KCNJ3: variants seen among roughly 807,000 people sequenced by gnomAD.
The protein encoded by KCNJ3 is G protein-activated inward rectifier potassium channel 1.
In KCNJ3, 4 loss-of-function variants were observed where a neutral mutation model predicts 39.2. That is an observed-to-expected ratio of 0.10 (90% CI 0.05 to 0.23). The LOEUF (loss-of-function observed/expected upper bound fraction) is 0.23, where lower values mean the gene tolerates loss of function less well. Ranked by LOEUF, KCNJ3 falls within the 10% of genes least tolerant of loss-of-function variation. The probability of loss-of-function intolerance (pLI) is 1.00; values close to 1 mark genes in which losing one functional copy is unlikely to be tolerated. For synonymous variants in KCNJ3, 230 were observed against 237.4 expected (o/e 0.97, Z 0.29); for missense variants, 276 against 634.9 (o/e 0.43, Z 6.08).
At position 154,699,111 on chromosome 2, in the gene KCNJ3, G is replaced by T. The variant is rs771540725; in HGVS notation, c.336G>T (p.Leu112=). Residue 112 remains leucine (L), a synonymous_variant, in exon 1 of 3, where the codon CTG becomes CTT. Transcript: ENST00000295101. This position sits in a 1 kb window ranked among gnomAD's most constrained non-coding sequence, Gnocchi z 6.4. ...WWVIAYTRGD[L]NKAHVGNYTP... ...TGATCGCCTACACTCGGGGCGACCT[G>T]AACAAAGCCCACGTCGGTAACTACA... 2.5e-6 allele frequency: 4 copies of T among 1,614,112 alleles called. No homozygotes were observed. Among genetic ancestry groups the T allele is most frequent in the Non-Finnish European group, 2.5e-6 (3 of 1,180,050 alleles).
At chr2:154,764,138 A>G (rs1686091229) in intron 2 of KCNJ3, among the ~76,000 whole-genome samples, 2 of 152,242 alleles carry the variant, frequency 1.3e-5, no homozygotes, top group African/African-American at 2.4e-5. Context: ...TTTCTTAAGC[A>G]CGAAAAGTGC....
chr2:154,815,869 A>T lies in KCNJ3; in HGVS notation c.920-38858A>T, dbSNP rs116812491. Among the ~76,000 whole-genome samples, 5 of 152,248 alleles carry T rather than the reference A, an allele frequency of 3.3e-5. No homozygotes were observed. In the South Asian group the frequency reaches 1.0e-3, roughly 32 times the overall value. On this transcript the variant is annotated intron_variant, in intron 2 of 2. Transcript: ENST00000295101. ...TTTTGCTGAAACCCAGTTCTTCCACATATTTCCATGGTTTTCCTTGTTCCC... is the reference window on the plus strand; with the variant it reads ...TTTTGCTGAAACCCAGTTCTTCCACTTATTTCCATGGTTTTCCTTGTTCCC...
At chr2:154,752,229 G>A (rs561796371) in intron 2 of KCNJ3, among the ~76,000 whole-genome samples, 1 of 151,822 alleles carries the variant, frequency 6.6e-6, no homozygotes, top group East Asian at 1.9e-4. Context: ...TCTTTAGAAA[G>A]TGCTATTGTC....
At chr2:154,838,283 C>G (rs533989511) in intron 2 of KCNJ3, among the ~76,000 whole-genome samples, 3 of 152,194 alleles carry the variant, frequency 2.0e-5, no homozygotes, top group African/African-American at 7.2e-5. Flanking sequence ...TAGTTTCTAG[C>G]TAATGGAAAA....
chr2:154,850,617 T>G, intron 2 of KCNJ3, among the ~76,000 whole-genome samples: 1 of 152,190 alleles, frequency 6.6e-6, no homozygotes, highest in East Asian at 1.9e-4. Context: ...TATCCTGAGA[T>G]GAAACCAGAT....
At chr2:154,720,320 A>G (rs764430792) in intron 2 of KCNJ3, among the ~76,000 whole-genome samples, 1 of 152,032 alleles carries the variant, frequency 6.6e-6, no homozygotes, top group Non-Finnish European at 1.5e-5. Flanking sequence ...TATACTCATA[A>G]GCCTAAGAGT....
intron 2 of KCNJ3, among the ~76,000 whole-genome samples, chr2:154,808,082 A>AT (rs34093983): frequency 0.017 from 2,409 of 142,156 alleles, 35 homozygotes; most frequent in African/African-American, 0.034. Flanking sequence ...GGGCATTTAA[A>AT]TTTTTTTTTT....
rs140040986 is a variant in KCNJ3, at chr2:154,820,999, T to A, written c.920-33728T>A. Among the ~76,000 whole-genome samples the A allele has an allele frequency of 3.3e-5, 5 of 152,346 alleles. No homozygotes were observed. In the East Asian group the frequency reaches 9.6e-4, roughly 29 times the overall value. On this transcript the variant is annotated intron_variant, in intron 2 of 2. Transcript: ENST00000295101. ...GAGTAATTTGTCTCTGTATCACGTC[T>A]ATGTTTTTAAGTATCATTATGAGCT...
intron 2 of KCNJ3, among the ~76,000 whole-genome samples, chr2:154,839,965 C>A (rs1687547085): frequency 6.6e-6 from 1 of 152,076 alleles, no homozygotes; most frequent in African/African-American, 2.4e-5. Context: ...TCAATTTTGG[C>A]TTTTGTTGCC....
intron 2 of KCNJ3, among the ~76,000 whole-genome samples, chr2:154,727,044 G>A (rs144410613): frequency 6.6e-6 from 1 of 152,144 alleles, no homozygotes; most frequent in South Asian, 2.1e-4. Flanking sequence ...AGGGATAAAA[G>A]ACTACGCATT....
intron 2 of KCNJ3, among the ~76,000 whole-genome samples, chr2:154,785,937 A>G (rs1207853905): frequency 6.6e-6 from 1 of 152,192 alleles, no homozygotes; most frequent in Non-Finnish European, 1.5e-5. Context: ...ATTTGGAGAG[A>G]AAACACAGTT....
chr2:154,743,028 T>C (rs748964294), intron 2 of KCNJ3, among the ~76,000 whole-genome samples: 7 of 151,856 alleles, frequency 4.6e-5, no homozygotes, highest in Non-Finnish European at 1.0e-4. Flanking sequence ...TTGATTCATT[T>C]TGATTATTTT....
intron 2 of KCNJ3, among the ~76,000 whole-genome samples, chr2:154,773,867 C>CT (rs2105198039): frequency 6.6e-6 from 1 of 152,150 alleles, no homozygotes; most frequent in Non-Finnish European, 1.5e-5. Flanking sequence ...CAGAGAATGA[C>CT]TTTTTCTTTA....
intron 2 of KCNJ3, among the ~76,000 whole-genome samples, chr2:154,721,567 C>T (rs893481870): frequency 6.6e-6 from 1 of 151,640 alleles, no homozygotes; most frequent in African/African-American, 2.4e-5. Context: ...AAATCTAACA[C>T]GACATGTTCA....
chr2:154,741,703 A>G (rs1245827517), intron 2 of KCNJ3, among the ~76,000 whole-genome samples: 1 of 151,874 alleles, frequency 6.6e-6, no homozygotes, highest in Admixed American at 6.6e-5. Context: ...TAAACATGTG[A>G]GTTTAGTTCC....
chr2:154,762,012 G>C (rs2591170), intron 2 of KCNJ3, among the ~76,000 whole-genome samples: 57,405 of 151,984 alleles, frequency 0.38, 11,851 homozygotes, highest in East Asian at 0.64. Context: ...GATGGAAGTA[G>C]AGAATAGATT....
At chr2:154,788,302 A>T (rs535987971) in intron 2 of KCNJ3, among the ~76,000 whole-genome samples, 13 of 152,300 alleles carry the variant, frequency 8.5e-5, no homozygotes, top group Admixed American at 7.2e-4. Context: ...CTAGAAAAAA[A>T]TATTGCAAAT....
At chr2:154,817,630 G>A in intron 2 of KCNJ3, among the ~76,000 whole-genome samples, 1 of 152,052 alleles carries the variant, frequency 6.6e-6, no homozygotes, top group East Asian at 1.9e-4. Context: ...TCTCTTAAGG[G>A]ACTGTTCTTT....
rs1456796902 is a variant in KCNJ3, at chr2:154,856,279, G to A, written c.*966G>A. 2 of 152,536 alleles carry A rather than the reference G, an allele frequency of 1.3e-5. No individual in the cohort carries two copies. Among genetic ancestry groups the A allele is most frequent in the African/African-American group, 2.4e-5 (1 of 41,436 alleles). 9.4% of individuals were successfully genotyped at this position (152,536 alleles called of 1,614,324 possible). ...AATCATGTTAATAGACAGTAGCCAA[G>A]TTATATTGAATATATCAGAATCTGT... is the stretch of plus-strand genomic sequence containing the variant. On this transcript the variant is annotated 3_prime_UTR_variant, in exon 3 of 3. Transcript: ENST00000295101.
Sources: allele counts gnomAD v4.1 joint callset (sites outside exome capture counted in the v4.1 genomes callset), GRCh38; gene constraint gnomAD v4.1.1; non-coding constraint Gnocchi (gnomAD v3.1); transcripts MANE v1.5; gene names NCBI Gene and HGNC (gene_info 2026-07-23, HGNC 2026-07-21).